Variants in FDFT1 observed in about 807,000 individuals in gnomAD.
The protein encoded by FDFT1 is squalene synthase.
FDFT1 carries 68 observed loss-of-function variants against 46.8 expected under a neutral mutation model. The observed-to-expected ratio is 1.45, with a 90% CI of 1.19 to 1.78. FDFT1 has a LOEUF of 1.78. Among genes scored for constraint, FDFT1 ranks in the 40% most tolerant of loss-of-function variants. The pLI is 0.00. For missense variants in FDFT1, 928 were observed against 524.4 expected, an observed-to-expected ratio of 1.77 and a Z score of -7.52; for synonymous variants, 351 against 185.1, an observed-to-expected ratio of 1.90 and a Z score of -7.28.
upstream of FDFT1, among the ~76,000 whole-genome samples, chr8:11,801,252 C>G (rs1806091550): frequency 6.6e-6 from 1 of 152,190 alleles, no homozygotes; most frequent in Admixed American, 6.5e-5. Flanking sequence ...CTCTCAGGAT[C>G]CCTATAGGTG....
At position 11,821,898 on chromosome 8, in the gene FDFT1, G is replaced by A; in HGVS notation, c.510+20G>A. 6.2e-7 allele frequency: 1 copy of A among 1,610,434 alleles called. No homozygotes were observed. The highest frequency in any genetic ancestry group is 8.5e-7 in the Non-Finnish European group (1 of 1,177,504). On this transcript the variant is annotated intron_variant, in intron 4 of 7. Coordinates refer to ENST00000220584, the MANE Select transcript of FDFT1 (RefSeq NM_004462.5). ...GACAAGGTTAGTCTCATAAAACAGTGTCTGTGTGTGATGTATTAGACAGAG... is the reference window on the plus strand; with the variant it reads ...GACAAGGTTAGTCTCATAAAACAGTATCTGTGTGTGATGTATTAGACAGAG...
intron 3 of FDFT1, among the ~76,000 whole-genome samples, chr8:11,811,323 T>C (rs1807680978): frequency 6.6e-6 from 1 of 152,222 alleles, no homozygotes; most frequent in Non-Finnish European, 1.5e-5. Context: ...CATTCTCACT[T>C]AAAAACAACT....
chr8:11,806,072 C>T (rs1806787672), intron 1 of FDFT1, among the ~76,000 whole-genome samples: 3 of 152,160 alleles, frequency 2.0e-5, no homozygotes, highest in African/African-American at 7.2e-5. Flanking sequence ...GTGAGGAAGG[C>T]TCCGTGGAGG....
At chr8:11,798,260 A>G (rs1805765396), upstream of FDFT1, 2 of 152,172 alleles carry the variant, frequency 1.3e-5, no homozygotes, top group African/African-American at 2.4e-5. Context: ...GGGTTTCACC[A>G]TGTTAGCCAG....
At chr8:11,809,916 T>C (rs1807468040) in intron 3 of FDFT1, 66 bp downstream of exon 3, 1 of 1,251,252 alleles carries the variant, frequency 8.0e-7, no homozygotes, top group South Asian at 1.4e-5. Flanking sequence ...GGTTGTCCGG[T>C]AGCCTCCATA....
At chr8:11,829,038 G>T (rs1810404362) in intron 5 of FDFT1, among the ~76,000 whole-genome samples, 1 of 152,134 alleles carries the variant, frequency 6.6e-6, no homozygotes, top group Non-Finnish European at 1.5e-5. Flanking sequence ...GGAATTGCTG[G>T]TTCATACAGC....
At chr8:11,834,471 T>C (rs1413342766) in intron 7 of FDFT1, among the ~76,000 whole-genome samples, 1 of 152,178 alleles carries the variant, frequency 6.6e-6, no homozygotes, top group Non-Finnish European at 1.5e-5. Flanking sequence ...CCTCCTGTGG[T>C]TAAGTCAGAG....
intron 1 of FDFT1, chr8:11,803,949 T>G (rs1806469771): frequency 6.6e-6 from 1 of 152,430 alleles, no homozygotes. Context: ...CGGTGCTACA[T>G]TATTTGAATT....
rs1186614756 is a variant in FDFT1 at position 11,818,148 on chromosome 8, A to G, written c.382-3602A>G. Reference sequence around the variant, plus strand: ...GTAGTCATTCAGGAGCAGGTTGTTCAGTTTCCATGTAGATGTGTGGTTTTG... The same window carrying G: ...GTAGTCATTCAGGAGCAGGTTGTTCGGTTTCCATGTAGATGTGTGGTTTTG... On this transcript the variant is annotated intron_variant, in intron 3 of 7. Transcript: ENST00000220584. Among the ~76,000 whole-genome samples, 6 of 152,332 alleles carry G rather than the reference A, an allele frequency of 3.9e-5. No individual in the cohort carries two copies. The East Asian group carries it at 7.7e-4, about 20-fold the overall frequency.
At chr8:11,796,776 C>G (rs984496606) in intron 1 of FDFT1, among the ~76,000 whole-genome samples, 35 of 152,230 alleles carry the variant, frequency 2.3e-4, no homozygotes, top group Non-Finnish European at 5.0e-4. Flanking sequence ...GCAGGACAGG[C>G]AAGCCCCAAA....
At position 11,821,801 on chromosome 8, in the gene FDFT1, G is replaced by C; in HGVS notation, c.433G>C (p.Asp145His). 3 of 1,613,656 alleles carry C rather than the reference G, an allele frequency of 1.9e-6. No homozygotes were observed. Among genetic ancestry groups the C allele is most frequent in the Non-Finnish European group, 2.5e-6 (3 of 1,179,672 alleles). ...LAEKYQTVIADICRRMGIGMA... is the reference protein window; with the variant it reads ...LAEKYQTVIAHICRRMGIGMA... ...TGAGAAATACCAAACAGTGATTGCC[G>C]ACATTTGCCGGAGAATGGGCATTGG... The change falls in exon 4 of 8, where the codon GAC becomes CAC. Residue 145 changes from aspartate to histidine, a missense_variant. Asp to His is a moderately conservative substitution (Grantham distance 81, BLOSUM62 -1). Transcript: ENST00000220584.
At chr8:11,837,645 CTTT>C (rs376313820) in intron 7 of FDFT1, among the ~76,000 whole-genome samples, 1 of 152,052 alleles carries the variant, frequency 6.6e-6, no homozygotes, top group African/African-American at 2.4e-5. Context: ...AGAGCTCAGG[CTTT>C]TTTTCTCCAG....
At chr8:11,808,655 C>T in intron 1 of FDFT1, 139 bp from the exon 2 acceptor site, 4 of 1,435,936 alleles carry the variant, frequency 2.8e-6, no homozygotes, top group Admixed American at 2.7e-5. Flanking sequence ...CCGCCTGGCC[C>T]TGCAAGGACT....
At chr8:11,824,093 GC>G (rs1809632968) in intron 4 of FDFT1, among the ~76,000 whole-genome samples, 1 of 152,102 alleles carries the variant, frequency 6.6e-6, no homozygotes, top group African/African-American at 2.4e-5. Context: ...AAACTCTTGG[GC>G]TCAAGCAGTC....
chr8:11,803,276 G>A (rs1480309943), intron 1 of FDFT1: 2 of 1,331,442 alleles, frequency 1.5e-6, no homozygotes, highest in Admixed American at 2.2e-5. Flanking sequence ...TGGGTTACGC[G>A]GGAGAGGACG....
chr8:11,839,289 TTGCTCTGCATTTG>T (rs527718722), exon 8 of FDFT1: 916 of 152,714 alleles, frequency 6.0e-3, 3 homozygotes, highest in Admixed American at 0.012. Flanking sequence ...AAGAATTTAA[TTGCTCTGCATTTG>T]TCAAGTACAG....
rs1618110 is a variant in FDFT1 at position 11,809,107 on chromosome 8, A to T, written c.197+216A>T. The T allele has an allele frequency of 8.0e-5, 101 of 1,263,740 alleles. 1 individual carries two copies. Among genetic ancestry groups the T allele is most frequent in the East Asian group, 4.0e-4 (13 of 32,650 alleles). The allele number at this position is 1,263,740 out of a possible 1,614,324, so 78.3% of individuals were successfully genotyped here. ...CTGCGGGCCCAGCCTTTCAGAGAAG[A>T]GGGGGGAGGGGGTGATGTTTATTAA... On this transcript the variant is annotated intron_variant, in intron 2 of 7. Coordinates refer to ENST00000220584, the MANE Select transcript of FDFT1 (RefSeq NM_004462.5).
chr8:11,812,189 C>T (rs536036701), intron 3 of FDFT1, among the ~76,000 whole-genome samples: 19 of 152,206 alleles, frequency 1.2e-4, no homozygotes, highest in Non-Finnish European at 2.4e-4. Flanking sequence ...TGTGCTTGTT[C>T]AGCTCTCGTG....
At chr8:11,808,723 C>G in intron 1 of FDFT1, 71 bp from the exon 2 acceptor site, 5 of 1,557,898 alleles carry the variant, frequency 3.2e-6, no homozygotes, top group South Asian at 1.2e-5. Flanking sequence ...CACTCCCACT[C>G]CCACTCCCAC....
Sources: allele counts gnomAD v4.1 joint callset (sites outside exome capture counted in the v4.1 genomes callset), GRCh38; gene constraint gnomAD v4.1.1; transcripts MANE v1.5; gene names NCBI Gene and HGNC (gene_info 2026-07-23, HGNC 2026-07-21).